Variants in RIMS1 observed in about 807,000 individuals in gnomAD.
RIMS1 encodes regulating synaptic membrane exocytosis 1, also known as regulating synaptic membrane exocytosis protein 1.
In RIMS1, 83 loss-of-function variants were observed where a neutral mutation model predicts 214.1. The ratio of observed to expected loss-of-function variants is 0.39; its 90% CI spans 0.32 to 0.47. The LOEUF is 0.47. Ranked by LOEUF, RIMS1 falls within the 20% of genes least tolerant of loss-of-function variation. The pLI is 0.99. For synonymous variants in RIMS1, 793 were observed against 786.8 expected, an observed-to-expected ratio of 1.01 and a Z score of -0.13; for missense variants, 2,050 against 2,161.8, an observed-to-expected ratio of 0.95 and a Z score of 1.03.
At chr6:72,260,018 G>A (rs2077294824) in intron 18 of RIMS1, among the ~76,000 whole-genome samples, 1 of 152,068 alleles carries the variant, frequency 6.6e-6, no homozygotes, top group East Asian at 1.9e-4. Context: ...AGTCACAATA[G>A]GTACTAGGAT....
chr6:72,100,430 T>C (rs2033251087), intron 4 of RIMS1, among the ~76,000 whole-genome samples: 1 of 152,058 alleles, frequency 6.6e-6, no homozygotes, highest in African/African-American at 2.4e-5. Context: ...ATAATTATTT[T>C]TCTATAGAAC....
At chr6:72,018,314 T>C (rs920318714) in intron 2 of RIMS1, among the ~76,000 whole-genome samples, 11 of 152,142 alleles carry the variant, frequency 7.2e-5, no homozygotes, top group South Asian at 2.1e-4. Flanking sequence ...TAATTAAGTT[T>C]TTTTGGTCTC....
intron 2 of RIMS1, among the ~76,000 whole-genome samples, chr6:72,057,279 A>G (rs1826446060): frequency 6.6e-6 from 1 of 152,198 alleles, no homozygotes; most frequent in African/African-American, 2.4e-5. Flanking sequence ...ACCTCCAACC[A>G]TATAACCAAT....
At chr6:72,299,492 A>T (rs1393464277) in intron 26 of RIMS1, among the ~76,000 whole-genome samples, 1 of 151,866 alleles carries the variant, frequency 6.6e-6, no homozygotes, top group Non-Finnish European at 1.5e-5. Flanking sequence ...AGAGATTGTA[A>T]CTAGATCATT....
rs2080041210 is a variant in RIMS1 at position 72,265,406 on chromosome 6, C to T, written c.3211C>T (p.His1071Tyr). The change falls in exon 21 of 34, where the codon CAT becomes TAT. Residue 1071 changes from histidine to tyrosine, a missense_variant. His to Tyr is a moderately conservative substitution (Grantham distance 83, BLOSUM62 2). This residue lies in a region of RIMS1 where 889 missense variants were observed against 885.5 expected (regional missense o/e 1.00). Coordinates refer to ENST00000521978, the MANE Select transcript of RIMS1 (RefSeq NM_014989.7). ...TTTGTGGAGCTCAATTCTGCCTGCA[C>T]ATACTAAGACCAAATCAGTGACTAG... ...WNIYSSILPA[H>Y]TKTKSVTRQD... The T allele has an allele frequency of 1.9e-6, 3 of 1,596,172 alleles. No individual in the cohort carries two copies. Among genetic ancestry groups the T allele is most frequent in the East Asian group, 2.2e-5 (1 of 44,452 alleles).
rs200940194 is a variant in RIMS1 at position 72,247,985 on chromosome 6, A to G, written c.2129-30A>G. On this transcript the variant is annotated intron_variant, in intron 11 of 33. Coordinates refer to ENST00000521978, the MANE Select transcript of RIMS1 (RefSeq NM_014989.7). ...ATTAAAAATATTTCCTACACTTACA[A>G]ATATTACTTACTTTTTTTTCTCATT... 4.3e-6 allele frequency: 6 copies of G among 1,401,124 alleles called. No homozygotes were observed. The East Asian group carries it at 1.4e-4, about 32-fold the overall frequency. The allele number at this position is 1,401,124 out of a possible 1,614,324, so 86.8% of individuals were successfully genotyped here.
chr6:72,249,976 T>C (rs2072383345), intron 12 of RIMS1, among the ~76,000 whole-genome samples: 2 of 152,122 alleles, frequency 1.3e-5, no homozygotes, highest in Non-Finnish European at 2.9e-5. Flanking sequence ...TAGACACATA[T>C]AATCTTCAAA....
chr6:71,933,177 A>T (rs559114649), intron 1 of RIMS1, among the ~76,000 whole-genome samples: 3 of 152,242 alleles, frequency 2.0e-5, no homozygotes, highest in African/African-American at 7.2e-5. Context: ...AGGGTGGAAA[A>T]ATTGTGAAAC....
intron 1 of RIMS1, 106 bp downstream of exon 1, chr6:71,887,293 G>T (rs1768022047): frequency 6.9e-7 from 1 of 1,442,686 alleles, no homozygotes; most frequent in Non-Finnish European, 9.5e-7. Flanking sequence ...GGGCTGCCAG[G>T]GTGCTGGGTG....
intron 1 of RIMS1, among the ~76,000 whole-genome samples, chr6:71,907,406 C>T (rs1775567167): frequency 6.6e-6 from 1 of 152,084 alleles, no homozygotes; most frequent in Non-Finnish European, 1.5e-5. Flanking sequence ...ATTTTTCACC[C>T]TTAATCAATG....
chr6:71,911,931 T>C (rs532039681), intron 1 of RIMS1, among the ~76,000 whole-genome samples: 1 of 152,278 alleles, frequency 6.6e-6, no homozygotes, highest in East Asian at 1.9e-4. Context: ...GGGAGTGAAC[T>C]CCTATCAATG....
chr6:72,337,768 G>A (rs1025546165), intron 29 of RIMS1, among the ~76,000 whole-genome samples: 2 of 124,394 alleles, frequency 1.6e-5, no homozygotes, highest in Admixed American at 2.1e-4. Flanking sequence ...AGGCCCTGGT[G>A]TGTGATGTTC....
intron 15 of RIMS1, among the ~76,000 whole-genome samples, chr6:72,251,741 C>T (rs2073438991): frequency 1.3e-5 from 2 of 152,078 alleles, no homozygotes; most frequent in Admixed American, 6.5e-5. Context: ...GAGAGAGTCT[C>T]ACTCTGTTGC....
At chr6:72,343,492 C>CTTTTTTTTTTTTTTTTTT (rs764125827) in intron 29 of RIMS1, among the ~76,000 whole-genome samples, 7 of 57,302 alleles carry the variant, frequency 1.2e-4, no homozygotes, top group African/African-American at 2.9e-4. Flanking sequence ...TCTTCTTCTT[C>CTTTTTTTTTTTTTTTTTT]TTTTTTTTTT....
At chr6:71,935,440 G>A (rs2150953061) in intron 1 of RIMS1, among the ~76,000 whole-genome samples, 1 of 152,028 alleles carries the variant, frequency 6.6e-6, no homozygotes, top group East Asian at 1.9e-4. Flanking sequence ...TTTTCATTTT[G>A]ATAAGAAAAA....
chr6:72,090,998 G>T (rs1586743205), intron 2 of RIMS1, among the ~76,000 whole-genome samples: 1 of 152,156 alleles, frequency 6.6e-6, no homozygotes, highest in African/African-American at 2.4e-5. Context: ...TAAGGTTGAC[G>T]AAGGGAACGC....
chr6:71,906,044 T>G (rs1775161465), intron 1 of RIMS1, among the ~76,000 whole-genome samples: 1 of 152,144 alleles, frequency 6.6e-6, no homozygotes, highest in Non-Finnish European at 1.5e-5. Flanking sequence ...AGTGATTTCC[T>G]AACATCAGAA....
At chr6:72,354,208 A>G (rs770405038) in intron 29 of RIMS1, among the ~76,000 whole-genome samples, 5 of 152,156 alleles carry the variant, frequency 3.3e-5, no homozygotes, top group Non-Finnish European at 7.4e-5. Context: ...CAACAGAGTG[A>G]GACTCCGTCT....
chr6:72,248,135 T>C lies in RIMS1; in HGVS notation c.2241+8T>C. The stretch of plus-strand genomic sequence containing the variant: ...TTACCAGGGCAACTTTCTGTATGTA[T>C]TTTTTGTACATGTTGGAGGCTGTTA... On this transcript the variant is annotated splice_region_variant and intron_variant, in intron 12 of 33. Coordinates refer to ENST00000521978, the MANE Select transcript of RIMS1 (RefSeq NM_014989.7). The C allele has an allele frequency of 1.9e-6, 3 of 1,566,840 alleles. No homozygotes were observed. Among genetic ancestry groups the C allele is most frequent in the South Asian group, 2.3e-5 (2 of 88,582 alleles).
Sources: gnomAD v4.1 joint callset for allele counts (sites outside exome capture counted in the v4.1 genomes callset) on GRCh38, gnomAD v4.1.1 for gene constraint, gnomAD v4.1.1 regional missense constraint, MANE v1.5 for transcripts, NCBI Gene and HGNC (gene_info 2026-07-23, HGNC 2026-07-21) for gene names.